Variants in FKBP15 observed in about 807,000 individuals in gnomAD.
FKBP15 encodes the protein FKBP prolyl isomerase family member 15.
FKBP15 carries 106 observed loss-of-function variants against 158.1 expected under a neutral mutation model. The observed-to-expected ratio is 0.67, with a 90% CI of 0.57 to 0.79. The LOEUF is 0.79. Ranked by LOEUF, FKBP15 falls within the 30% of genes least tolerant of loss-of-function variation. The pLI is 0.00. For synonymous variants in FKBP15, 547 were observed against 548.6 expected, an observed-to-expected ratio of 1.00 and a Z score of 0.04; for missense variants, 1,287 against 1,479.1, an observed-to-expected ratio of 0.87 and a Z score of 2.13.
At chr9:113,202,750 C>T in intron 5 of FKBP15, 121 bp from the exon 6 acceptor site, 1 of 821,400 alleles carries the variant, frequency 1.2e-6, no homozygotes, top group South Asian at 1.7e-5. Context: ...TATCAGAGAT[C>T]TTTCTTCTTC....
intron 13 of FKBP15, 124 bp from the exon 14 acceptor site, chr9:113,188,023 T>A (rs913621409): frequency 8.3e-6 from 6 of 721,394 alleles, no homozygotes; most frequent in Non-Finnish European, 1.4e-5. Context: ...CTCCCTACAC[T>A]CAGCTCTACT....
rs1564139090 is a variant in FKBP15 at position 113,161,749 on chromosome 9, G to GAGAC, written c.*4325_*4328dup. ...GGCAGAAGCCTCACATTCACCCTGA[G>GAGAC]AGACAGGCTGGCCCAGACAGCATTA... On this transcript the variant is annotated 3_prime_UTR_variant, in exon 28 of 28. Coordinates refer to ENST00000238256, the MANE Select transcript of FKBP15 (RefSeq NM_015258.2). 6.3e-7 allele frequency: 1 copy of GAGAC among 1,590,022 alleles called. No homozygotes were observed. Among genetic ancestry groups the GAGAC allele is most frequent in the Admixed American group, 1.7e-5 (1 of 59,964 alleles).
intron 2 of FKBP15, 51 bp from the exon 3 acceptor site, chr9:113,207,347 A>ATTTTTTTTTTT: frequency 1.4e-6 from 2 of 1,407,310 alleles, no homozygotes; most frequent in Non-Finnish European, 2.0e-6. Context: ...GCTTTAAACT[A>ATTTTTTTTTTT]ATTTTTTTTA....
rs888425652 is a variant in FKBP15, at chr9:113,178,368, A to T, written c.2086+262T>A. The stretch of plus-strand genomic sequence containing the variant: ...CTATTCCAGGCATTTGAAGCCAATC[A>T]TAAGTACCAAAGATTTTGAAGCCAA... On this transcript the variant is annotated intron_variant, in intron 20 of 27. Transcript: ENST00000238256. Among the ~76,000 whole-genome samples the T allele has an allele frequency of 3.3e-5, 5 of 152,254 alleles. No individual in the cohort carries two copies. In the East Asian group the frequency reaches 7.7e-4, roughly 23 times the overall value.
rs1218603297 is a variant in FKBP15, at chr9:113,166,135, G to C, written c.3603C>G (p.Pro1201=). The change falls in exon 28 of 28, where the codon CCC becomes CCG. Residue 1201 remains proline (P), a synonymous_variant. Transcript: ENST00000238256. ...EDEVSMKGRP[P]PTPLFGDDDD... ...CATCATCTCCAAAAAGGGGCGTTGG[G>C]GGCGGGCGTCCCTTCATGCTCTGAT... 6.2e-7 allele frequency: 1 copy of C among 1,613,506 alleles called. No individual in the cohort carries two copies. Among genetic ancestry groups the C allele is most frequent in the Non-Finnish European group, 8.5e-7 (1 of 1,179,688 alleles).
chr9:113,198,976 C>G lies in FKBP15; in HGVS notation c.649-53G>C. 1 of 1,235,990 alleles carries G rather than the reference C, an allele frequency of 8.1e-7. No individual in the cohort carries two copies. Among genetic ancestry groups the G allele is most frequent in the Non-Finnish European group, 1.2e-6 (1 of 858,714 alleles). The allele number at this position is 1,235,990 out of a possible 1,614,324, so 76.6% of individuals were successfully genotyped here. A position where few individuals can be genotyped will look rare whatever the true frequency, so the allele number is the denominator to read the frequency against. ...CAGCCAATTTCAAAAATAATAATAA[C>G]CATTATGATATTCAACTAACTACAT... On this transcript the variant is annotated intron_variant, in intron 7 of 27. Transcript: ENST00000238256. This position sits in a 1 kb window ranked among gnomAD's most constrained non-coding sequence, Gnocchi z 5.2.
chr9:113,199,786 A>T, intron 7 of FKBP15, 28 bp downstream of exon 7: 1 of 1,601,898 alleles, frequency 6.2e-7, no homozygotes, highest in Admixed American at 1.7e-5. Flanking sequence ...TAAGTTTACA[A>T]AAGAACTTGC....
At position 113,198,849 on chromosome 9, in the gene FKBP15, C is replaced by G; in HGVS notation, c.717+6G>C. ...AAACCATAAAAAAACACAGTTAAGC[C>G]TTTACCTTGATGACTTTTCCTGATC... On this transcript the variant is annotated splice_donor_region_variant and intron_variant, in intron 8 of 27. Coordinates refer to ENST00000238256, the MANE Select transcript of FKBP15 (RefSeq NM_015258.2). The surrounding 1 kb of genome is among the most constrained non-coding windows in gnomAD (Gnocchi z 5.2). 6.3e-7 allele frequency: 1 copy of G among 1,597,198 alleles called. No homozygotes were observed.
intron 1 of FKBP15, among the ~76,000 whole-genome samples, chr9:113,214,098 G>A (rs1440628159): frequency 1.3e-5 from 2 of 151,914 alleles, no homozygotes; most frequent in South Asian, 4.2e-4. Flanking sequence ...ACACTCTAGG[G>A]ATTCTCCCAC....
chr9:113,193,997 A>G, intron 10 of FKBP15, 30 bp downstream of exon 10: 1 of 1,575,518 alleles, frequency 6.3e-7, no homozygotes, highest in Non-Finnish European at 8.6e-7. Context: ...ATGAGCCATA[A>G]AAGAGCTTGA....
At chr9:113,172,044 T>C (rs1482872695) in intron 23 of FKBP15, among the ~76,000 whole-genome samples, 2 of 104,782 alleles carry the variant, frequency 1.9e-5, no homozygotes, top group Non-Finnish European at 1.8e-5. Context: ...TTCCCCGCCC[T>C]GTGTCCAAGT....
intron 6 of FKBP15, among the ~76,000 whole-genome samples, chr9:113,200,605 T>G (rs1241441334): frequency 1.3e-5 from 2 of 152,204 alleles, no homozygotes; most frequent in East Asian, 3.8e-4. Flanking sequence ...TAATTATTCT[T>G]GGGCTTGTGT....
Position 113,184,459 on chromosome 9 carries a change from AC to A in FKBP15, c.1609-61del. 7.4e-7 allele frequency: 1 copy of A among 1,358,676 alleles called. No homozygotes were observed. The highest frequency in any genetic ancestry group is 1.0e-6 in the Non-Finnish European group (1 of 971,754). The allele number at this position is 1,358,676 out of a possible 1,614,324, so 84.2% of individuals were successfully genotyped here. On this transcript the variant is annotated intron_variant, in intron 16 of 27. Transcript: ENST00000238256. The surrounding 1 kb of genome is among the most constrained non-coding windows in gnomAD (Gnocchi z 4.5). ...ATTATAAAATGAAGAAATACAATTT[AC>A]CCAAGATTTGACCCTGTTGTTAAGG...
intron 7 of FKBP15, among the ~76,000 whole-genome samples, chr9:113,199,512 T>C (rs1830746756): frequency 6.6e-6 from 1 of 152,154 alleles, no homozygotes; most frequent in South Asian, 2.1e-4. Flanking sequence ...CCCATAAGAA[T>C]ATATTCAAGT....
intron 1 of FKBP15, among the ~76,000 whole-genome samples, chr9:113,218,623 T>C (rs372474604): frequency 1.3e-5 from 2 of 152,216 alleles, no homozygotes; most frequent in East Asian, 1.9e-4. Context: ...GCATGCTTGA[T>C]TGACACGGAA....
At chr9:113,172,192 G>C (rs946576561) in intron 23 of FKBP15, among the ~76,000 whole-genome samples, 14 of 152,026 alleles carry the variant, frequency 9.2e-5, no homozygotes, top group African/African-American at 3.4e-4. Context: ...CCTTTTTTAT[G>C]GCTGCATAGT....
At chr9:113,206,929 A>G in intron 3 of FKBP15, 1 of 419,358 alleles carries the variant, frequency 2.4e-6, no homozygotes, top group East Asian at 4.0e-5. Flanking sequence ...TACTCTTTAA[A>G]TATAAATATC....
chr9:113,220,516 T>A (rs1346786503), intron 1 of FKBP15, among the ~76,000 whole-genome samples: 2 of 152,222 alleles, frequency 1.3e-5, no homozygotes, highest in African/African-American at 4.8e-5. Context: ...AGCTTTAAGC[T>A]TTACAAAGTG....
chr9:113,169,192 C>A, intron 26 of FKBP15, 32 bp downstream of exon 26: 1 of 1,585,486 alleles, frequency 6.3e-7, no homozygotes, highest in Non-Finnish European at 8.6e-7. Flanking sequence ...GATAACTACC[C>A]TGTCCCTGAA....
Sources: gnomAD v4.1 joint callset for allele counts (sites outside exome capture counted in the v4.1 genomes callset) on GRCh38, gnomAD v4.1.1 for gene constraint, Gnocchi (gnomAD v3.1) non-coding constraint, MANE v1.5 for transcripts, NCBI Gene and HGNC (gene_info 2026-07-23, HGNC 2026-07-21) for gene names.